Variants in TMEM87B observed in about 807,000 individuals in gnomAD.
TMEM87B encodes the protein transmembrane protein 87B.
TMEM87B carries 83 observed loss-of-function variants against 80.3 expected under a neutral mutation model. That is an observed-to-expected ratio of 1.03 (90% CI 0.87 to 1.24). The LOEUF is 1.24. Among genes scored for constraint, TMEM87B ranks in the 50% most tolerant of loss-of-function variants. The probability of loss-of-function intolerance (pLI) is 0.00; values close to 1 mark genes in which losing one functional copy is unlikely to be tolerated. For missense variants in TMEM87B, 625 were observed against 674.4 expected, an observed-to-expected ratio of 0.93 and a Z score of 0.81; for synonymous variants, 219 against 230.5, an observed-to-expected ratio of 0.95 and a Z score of 0.45.
rs1367805226 is a variant in TMEM87B at position 112,069,538 on chromosome 2, G to A, written c.450+2471G>A. Reference sequence around the variant, plus strand: ...CTGCATATTATTCCATGATGTATATGTACCACATTTTCTTTATCCAGTCTA... The same window carrying A: ...CTGCATATTATTCCATGATGTATATATACCACATTTTCTTTATCCAGTCTA... On this transcript the variant is annotated intron_variant, in intron 4 of 18. Transcript: ENST00000283206. Among the ~76,000 whole-genome samples, 4 of 152,156 alleles carry A rather than the reference G, an allele frequency of 2.6e-5. No homozygotes were observed. The East Asian group carries it at 7.7e-4, about 29-fold the overall frequency.
rs1045951004 is a variant in TMEM87B at position 112,093,986 on chromosome 2, AT to A, written c.1104+2205del. On this transcript the variant is annotated intron_variant, in intron 11 of 18. Coordinates refer to ENST00000283206, the MANE Select transcript of TMEM87B (RefSeq NM_032824.3). ...CATTGTGTGTTTAGAAAATGAGCTG[AT>A]TATATCTATTCAATTTAGAATTGTC... Among the ~76,000 whole-genome samples, 10 of 152,276 alleles carry A rather than the reference AT, an allele frequency of 6.6e-5. No individual in the cohort carries two copies. The South Asian group carries it at 2.1e-3, about 32-fold the overall frequency.
chr2:112,077,322 C>A, intron 6 of TMEM87B, 40 bp downstream of exon 6: 1 of 1,104,020 alleles, frequency 9.1e-7, no homozygotes, highest in South Asian at 1.6e-5. Context: ...TCTGCATTTT[C>A]TGTATTCTGT....
At chr2:112,099,766 A>C (rs1323191222) in intron 14 of TMEM87B, among the ~76,000 whole-genome samples, 1 of 150,612 alleles carries the variant, frequency 6.6e-6, no homozygotes, top group African/African-American at 2.4e-5. Context: ...ACTCCCAGCT[A>C]CTTGGGAGGC....
chr2:112,076,638 C>T (rs1191838858), intron 5 of TMEM87B, among the ~76,000 whole-genome samples: 1 of 151,874 alleles, frequency 6.6e-6, no homozygotes, highest in Non-Finnish European at 1.5e-5. Context: ...CCCTGCTCAG[C>T]CCTAGAAAAA....
intron 8 of TMEM87B, among the ~76,000 whole-genome samples, chr2:112,082,112 G>A (rs72829647): frequency 0.026 from 4,024 of 152,238 alleles, 83 homozygotes; most frequent in African/African-American, 0.062. Flanking sequence ...TCTAGAAAGT[G>A]GATTTCAGGC....
At chr2:112,079,783 A>C (rs1211811444) in intron 6 of TMEM87B, among the ~76,000 whole-genome samples, 2 of 152,220 alleles carry the variant, frequency 1.3e-5, no homozygotes, top group East Asian at 3.8e-4. Context: ...TCTTTTTGAT[A>C]AAAGCCATTC....
At position 112,055,681 on chromosome 2, in the gene TMEM87B, C is replaced by T; in HGVS notation, c.90C>T (p.Leu30=). ...GGGCCCCGCTGCTGCGCGTCGCCCT[C>T]TGCCTCCTGTGCTGGACCCCGGCGG... ...PARAPLLRVA[L]CLLCWTPAAV... The change falls in exon 1 of 19, where the codon CTC becomes CTT. Residue 30 remains leucine, a synonymous_variant. Coordinates refer to ENST00000283206, the MANE Select transcript of TMEM87B (RefSeq NM_032824.3). The T allele has an allele frequency of 1.3e-6, 2 of 1,586,480 alleles. No individual in the cohort carries two copies. The highest frequency in any genetic ancestry group is 1.7e-6 in the Non-Finnish European group (2 of 1,169,404).
Position 112,112,884 on chromosome 2 carries a change from T to C in TMEM87B, c.1578-15T>C, listed in dbSNP as rs1429434074. On this transcript the variant is annotated splice_polypyrimidine_tract_variant and intron_variant, in intron 17 of 18. Transcript: ENST00000283206. ...TGTTAACAACATTATCACCTTTTTTTCCCTTTTATTTCAGAGCTCTTCCAG... is the reference window on the plus strand; with the variant it reads ...TGTTAACAACATTATCACCTTTTTTCCCCTTTTATTTCAGAGCTCTTCCAG... 6 of 1,612,062 alleles carry C rather than the reference T, an allele frequency of 3.7e-6. No homozygotes were observed. The highest frequency in any genetic ancestry group is 2.7e-5 in the African/African-American group (2 of 74,802).
At chr2:112,075,519 A>G (rs1558835020) in intron 5 of TMEM87B, among the ~76,000 whole-genome samples, 1 of 152,242 alleles carries the variant, frequency 6.6e-6, no homozygotes, top group African/African-American at 2.4e-5. Flanking sequence ...TTTTCTTTAA[A>G]AAATAAAATT....
intron 1 of TMEM87B, among the ~76,000 whole-genome samples, chr2:112,059,307 AT>A (rs1463618845): frequency 1.3e-5 from 2 of 152,018 alleles, no homozygotes; most frequent in African/African-American, 4.8e-5. Context: ...GCTAGGGATT[AT>A]ATAAGGGAGG....
At chr2:112,057,827 CTTT>C (rs35341806) in intron 1 of TMEM87B, among the ~76,000 whole-genome samples, 16 of 137,778 alleles carry the variant, frequency 1.2e-4, no homozygotes, top group Non-Finnish European at 7.8e-5. Flanking sequence ...CTGCCTCAGT[CTTT>C]TTTTTTTTTT....
At chr2:112,093,278 GC>G (rs1679357112) in intron 11 of TMEM87B, among the ~76,000 whole-genome samples, 1 of 152,144 alleles carries the variant, frequency 6.6e-6, no homozygotes. Flanking sequence ...AACTTAAAAA[GC>G]CTATGAAGAG....
rs193031324 is a variant in TMEM87B, at chr2:112,110,660, C to T, written c.1578-2239C>T. ...GAATTGTAGTTTCTTTTATGGATGA[C>T]GTTGATGGTATGGAGTAGGAGAGGT... On this transcript the variant is annotated intron_variant, in intron 17 of 18. Coordinates refer to ENST00000283206, the MANE Select transcript of TMEM87B (RefSeq NM_032824.3). 2.2e-4 allele frequency among the ~76,000 whole-genome samples: 33 copies of T among 152,166 alleles called. No homozygotes were observed. In the East Asian group the frequency reaches 5.8e-3, roughly 27 times the overall value.
intron 15 of TMEM87B, among the ~76,000 whole-genome samples, chr2:112,104,086 A>G (rs749451138): frequency 2.0e-5 from 3 of 152,206 alleles, no homozygotes; most frequent in Non-Finnish European, 2.9e-5. Flanking sequence ...CTCACAATCA[A>G]TTCAAGATGG....
At chr2:112,056,294 C>T (rs1192964017) in intron 1 of TMEM87B, among the ~76,000 whole-genome samples, 1 of 152,062 alleles carries the variant, frequency 6.6e-6, no homozygotes, top group Non-Finnish European at 1.5e-5. Flanking sequence ...ACCTCTATTT[C>T]TCTCTTCTTG....
At chr2:112,064,290 A>T in intron 3 of TMEM87B, 37 bp downstream of exon 3, 2 of 1,553,110 alleles carry the variant, frequency 1.3e-6, no homozygotes, top group Non-Finnish European at 1.8e-6. Flanking sequence ...ATATAAAGCT[A>T]TGAAGGAAAA....
At chr2:112,098,820 G>C in intron 14 of TMEM87B, 122 bp downstream of exon 14, 1 of 847,512 alleles carries the variant, frequency 1.2e-6, no homozygotes, top group Non-Finnish European at 1.9e-6. Context: ...CAGTCAAGTA[G>C]GGAGATAAGC....
chr2:112,084,593 CT>C (rs1196119280), intron 8 of TMEM87B, among the ~76,000 whole-genome samples: 1 of 152,228 alleles, frequency 6.6e-6, no homozygotes, highest in Non-Finnish European at 1.5e-5. Flanking sequence ...AGTTCTAGAT[CT>C]ATCTTCGAGG....
intron 9 of TMEM87B, among the ~76,000 whole-genome samples, chr2:112,088,869 G>A (rs1057292279): frequency 4.6e-5 from 7 of 151,838 alleles, no homozygotes; most frequent in East Asian, 3.9e-4. Context: ...AGCGATTCTC[G>A]TGCCTCAACC....
Sources: gnomAD v4.1 joint callset for allele counts (sites outside exome capture counted in the v4.1 genomes callset) on GRCh38, gnomAD v4.1.1 for gene constraint, MANE v1.5 for transcripts, NCBI Gene and HGNC (gene_info 2026-07-23, HGNC 2026-07-21) for gene names.